PCSK5: variants seen among roughly 807,000 people sequenced by gnomAD.
PCSK5 encodes proprotein convertase subtilisin/kexin type 5.
A neutral mutation model predicts 233.2 loss-of-function variants in PCSK5; 129 were observed. The observed-to-expected ratio is 0.55, with a 90% confidence interval of 0.48 to 0.64. PCSK5 has a LOEUF of 0.64. Among genes scored for constraint, PCSK5 ranks in the 30% least tolerant of loss-of-function variants. PCSK5 has a pLI of 0.00. For missense variants in PCSK5, 2,076 were observed against 2,430.1 expected, an observed-to-expected ratio of 0.85 and a Z score of 3.06; for synonymous variants, 825 against 879.2, an observed-to-expected ratio of 0.94 and a Z score of 1.09.
intron 2 of PCSK5, among the ~76,000 whole-genome samples, chr9:75,945,618 A>G (rs1480696462): frequency 3.7e-5 from 1 of 27,222 alleles, no homozygotes; most frequent in African/African-American, 1.8e-4. Context: ...TTTTTTAATG[A>G]CTTTATTGAT....
rs1256480457 is a variant in PCSK5, at chr9:76,072,377, A to G, written c.894+479A>G. 2.0e-5 allele frequency among the ~76,000 whole-genome samples: 3 copies of G among 152,178 alleles called. No individual in the cohort carries two copies. The South Asian group carries it at 6.2e-4, about 31-fold the overall frequency. ...TCGCTACAACCAAGTAGCTTAATGC[A>G]TCATTCTTTTCCTTAATTACACCAA... On this transcript the variant is annotated intron_variant, in intron 7 of 37. Coordinates refer to ENST00000674117, the MANE Select transcript of PCSK5 (RefSeq NM_001372043.1).
chr9:75,910,750 G>T (rs1427256414), intron 1 of PCSK5, among the ~76,000 whole-genome samples: 1 of 152,064 alleles, frequency 6.6e-6, no homozygotes, highest in Non-Finnish European at 1.5e-5. Flanking sequence ...TTCGCTGAGG[G>T]CCACATTGTG....
chr9:76,278,311 A>G (rs77208049), intron 24 of PCSK5, among the ~76,000 whole-genome samples: 2,992 of 152,244 alleles, frequency 0.02, 87 homozygotes, highest in African/African-American at 0.066. Context: ...ATTTAGCCAC[A>G]CCCCACGGAA....
chr9:75,926,789 C>A (rs750019925), intron 1 of PCSK5, among the ~76,000 whole-genome samples: 9 of 152,024 alleles, frequency 5.9e-5, no homozygotes, highest in Non-Finnish European at 1.3e-4. Context: ...CTATTATATG[C>A]CGTATGATCT....
chr9:75,914,048 T>A (rs1443077168), intron 1 of PCSK5, among the ~76,000 whole-genome samples: 1 of 152,166 alleles, frequency 6.6e-6, no homozygotes, highest in East Asian at 1.9e-4. Flanking sequence ...AGTTTTCTAA[T>A]CATTGGAGGA....
intron 5 of PCSK5, among the ~76,000 whole-genome samples, chr9:76,064,506 G>C (rs186715383): frequency 6.8e-6 from 1 of 146,172 alleles, no homozygotes; most frequent in Non-Finnish European, 1.5e-5. Flanking sequence ...CGGGCGGGGG[G>C]CTGAACCCCC....
At chr9:76,124,724 C>A (rs1031152935) in intron 9 of PCSK5, among the ~76,000 whole-genome samples, 10 of 128,770 alleles carry the variant, frequency 7.8e-5, no homozygotes, top group Non-Finnish European at 1.4e-4. Context: ...TCCAGCCTGG[C>A]GACAGAGCAA....
At position 75,984,792 on chromosome 9, in the gene PCSK5, A is replaced by C. The variant is rs577967968; in HGVS notation, c.298-1340A>C. Among the ~76,000 whole-genome samples, 3 of 152,324 alleles carry C rather than the reference A, an allele frequency of 2.0e-5. No individual in the cohort carries two copies. The South Asian group carries it at 6.2e-4, about 32-fold the overall frequency. On this transcript the variant is annotated intron_variant, in intron 2 of 37. Transcript: ENST00000674117. ...GTTGAATGAATAAATGAGTGAATGAACCTGATCCCTTAGATTTTTTTGAAA... is the reference window on the plus strand; with the variant it reads ...GTTGAATGAATAAATGAGTGAATGACCCTGATCCCTTAGATTTTTTTGAAA...
At chr9:76,006,684 T>C (rs113722006) in intron 3 of PCSK5, among the ~76,000 whole-genome samples, 1,839 of 152,326 alleles carry the variant, frequency 0.012, 21 homozygotes, top group Middle Eastern at 0.027. Context: ...CAAATAAATA[T>C]GTTTCATCCA....
chr9:76,133,901 A>G (rs1230932341), intron 9 of PCSK5, among the ~76,000 whole-genome samples: 1 of 151,986 alleles, frequency 6.6e-6, no homozygotes, highest in Non-Finnish European at 1.5e-5. Context: ...TTAAGGTTAC[A>G]TTTTCTGCCT....
At chr9:76,274,819 T>C (rs1227176037) in intron 24 of PCSK5, among the ~76,000 whole-genome samples, 1 of 152,222 alleles carries the variant, frequency 6.6e-6, no homozygotes, top group African/African-American at 2.4e-5. Flanking sequence ...TAGAGGTTTA[T>C]CTGGCTCATG....
intron 32 of PCSK5, among the ~76,000 whole-genome samples, chr9:76,327,502 G>A (rs2131471545): frequency 1.3e-5 from 2 of 152,252 alleles, no homozygotes; most frequent in South Asian, 4.1e-4. Flanking sequence ...CCTATTACAT[G>A]CCAGGCCCTC....
At chr9:76,087,373 C>CA (rs1317559543) in intron 7 of PCSK5, among the ~76,000 whole-genome samples, 71 of 152,322 alleles carry the variant, frequency 4.7e-4, no homozygotes, top group African/African-American at 1.7e-3. Context: ...GGGTTGTAGG[C>CA]AAGTTCTGTA....
At chr9:76,233,193 C>T (rs1826148230) in intron 21 of PCSK5, among the ~76,000 whole-genome samples, 1 of 152,228 alleles carries the variant, frequency 6.6e-6, no homozygotes, top group African/African-American at 2.4e-5. Context: ...TCCCTGTAGG[C>T]ACCAGTTAGC....
intron 10 of PCSK5, among the ~76,000 whole-genome samples, chr9:76,136,755 A>C (rs893400296): frequency 3.9e-5 from 6 of 152,090 alleles, no homozygotes; most frequent in Admixed American, 2.6e-4. Flanking sequence ...GAACAATTTC[A>C]CAAATTGCTC....
At chr9:76,106,848 T>A (rs1832000358) in intron 8 of PCSK5, among the ~76,000 whole-genome samples, 1 of 152,240 alleles carries the variant, frequency 6.6e-6, no homozygotes. Flanking sequence ...CTGCTCAGTG[T>A]CTGGATTTGA....
chr9:76,160,129 A>G (rs1176973258), intron 12 of PCSK5, among the ~76,000 whole-genome samples: 1 of 151,978 alleles, frequency 6.6e-6, no homozygotes, highest in Non-Finnish European at 1.5e-5. Flanking sequence ...CTGACTCTTC[A>G]GTCTTTATTG....
At chr9:75,937,199 T>A (rs528580653) in intron 2 of PCSK5, among the ~76,000 whole-genome samples, 1,874 of 116,970 alleles carry the variant, frequency 0.016, 40 homozygotes, top group African/African-American at 0.056. Context: ...TTTTTTTTTT[T>A]AAAGAGTCTC....
chr9:76,051,573 T>G (rs1408897595), intron 5 of PCSK5, among the ~76,000 whole-genome samples: 1 of 152,140 alleles, frequency 6.6e-6, no homozygotes, highest in East Asian at 1.9e-4. Flanking sequence ...TAGGTAATAC[T>G]TATCTCAGTA....
Sources: allele counts gnomAD v4.1 joint callset (sites outside exome capture counted in the v4.1 genomes callset), GRCh38; gene constraint gnomAD v4.1.1; transcripts MANE v1.5; gene names NCBI Gene and HGNC (gene_info 2026-07-23, HGNC 2026-07-21).